Variants in MFN1 observed in about 807,000 individuals in gnomAD.
MFN1 encodes the protein mitofusin 1.
Under a neutral mutation model 92.4 loss-of-function variants are expected in MFN1, and 65 were observed. The observed-to-expected ratio is 0.70, with a 90% CI of 0.58 to 0.86. The LOEUF is 0.86. Among genes scored for constraint, MFN1 ranks in the 40% least tolerant of loss-of-function variants. The pLI is 0.00. For synonymous variants in MFN1, 297 were observed against 300.9 expected, an observed-to-expected ratio of 0.99 and a Z score of 0.13; for missense variants, 781 against 868.0, an observed-to-expected ratio of 0.90 and a Z score of 1.26.
intron 4 of MFN1, among the ~76,000 whole-genome samples, chr3:179,359,277 C>T (rs938008671): frequency 2.0e-5 from 3 of 151,410 alleles, no homozygotes; most frequent in African/African-American, 4.9e-5. Flanking sequence ...TGCGCCACCA[C>T]ACCCGGCTAA....
intron 3 of MFN1, among the ~76,000 whole-genome samples, chr3:179,355,457 A>G (rs1268579064): frequency 1.3e-5 from 2 of 152,198 alleles, no homozygotes; most frequent in African/African-American, 4.8e-5. Flanking sequence ...TGTGTTTAAT[A>G]CAACTATATA....
intron 11 of MFN1, 56 bp from the exon 12 acceptor site, chr3:179,377,288 T>G (rs1713277046): frequency 6.6e-7 from 1 of 1,523,560 alleles, no homozygotes; most frequent in Admixed American, 2.0e-5. Context: ...TTAATTTTTT[T>G]GAATAATTGA....
chr3:179,361,682 A>G (rs1482301723), intron 4 of MFN1, among the ~76,000 whole-genome samples: 2 of 152,024 alleles, frequency 1.3e-5, no homozygotes, highest in Non-Finnish European at 2.9e-5. Flanking sequence ...AATTAGAGGC[A>G]CGTGCCACCA....
chr3:179,355,787 A>G (rs1301271144), intron 3 of MFN1, among the ~76,000 whole-genome samples: 3 of 152,132 alleles, frequency 2.0e-5, no homozygotes, highest in Non-Finnish European at 4.4e-5. Flanking sequence ...CCCTGTCTCT[A>G]CCAAAAATAG....
chr3:179,351,868 A>G (rs776794705), intron 2 of MFN1, 32 bp from the exon 3 acceptor site: 1 of 1,576,064 alleles, frequency 6.3e-7, no homozygotes, highest in Admixed American at 1.8e-5. Flanking sequence ...ATTCATTTAT[A>G]TCACTTTTCT....
intron 3 of MFN1, among the ~76,000 whole-genome samples, chr3:179,358,470 A>C (rs1340484902): frequency 2.6e-5 from 4 of 152,024 alleles, no homozygotes; most frequent in Non-Finnish European, 5.9e-5. Context: ...GTCACTTCTG[A>C]TGTGCATTAT....
At chr3:179,358,682 G>A (rs1402629820) in intron 3 of MFN1, among the ~76,000 whole-genome samples, 158 bp from the exon 4 acceptor site, 3 of 152,194 alleles carry the variant, frequency 2.0e-5, no homozygotes, top group African/African-American at 7.2e-5. Flanking sequence ...TACATTGCTA[G>A]TATTTGTGTA....
chr3:179,388,599 A>C (rs1036602553), intron 16 of MFN1, among the ~76,000 whole-genome samples: 6 of 152,246 alleles, frequency 3.9e-5, no homozygotes, highest in African/African-American at 1.4e-4. Context: ...TAACATTTAC[A>C]TAATTATAAT....
chr3:179,376,943 C>A, intron 10 of MFN1, 99 bp from the exon 11 acceptor site: 1 of 1,139,086 alleles, frequency 8.8e-7, no homozygotes, highest in Non-Finnish European at 1.2e-6. Context: ...TTCCTTGAGT[C>A]ATGCTAATAG....
intron 3 of MFN1, among the ~76,000 whole-genome samples, chr3:179,355,505 T>C (rs1168275438): frequency 6.6e-6 from 1 of 152,198 alleles, no homozygotes; most frequent in African/African-American, 2.4e-5. Context: ...GTTGGAAATA[T>C]GAGACTTGGA....
At chr3:179,359,027 A>G (rs1302484614) in intron 4 of MFN1, 25 bp downstream of exon 4, 2 of 1,597,996 alleles carry the variant, frequency 1.3e-6, no homozygotes. Context: ...CTTTAGCAGA[A>G]TAATATACCT....
chr3:179,366,206 G>A (rs990907568), intron 7 of MFN1, among the ~76,000 whole-genome samples: 6 of 152,118 alleles, frequency 3.9e-5, no homozygotes, highest in Admixed American at 2.6e-4. Context: ...AATCCAAAAC[G>A]TCAGTAATGC....
chr3:179,363,276 G>A (rs997934637), intron 5 of MFN1, among the ~76,000 whole-genome samples: 57 of 152,046 alleles, frequency 3.7e-4, no homozygotes, highest in African/African-American at 1.3e-3. Context: ...GGTAGAGACG[G>A]GGATTCACCA....
chr3:179,375,887 T>A (rs1253353662), intron 10 of MFN1, among the ~76,000 whole-genome samples: 1 of 152,216 alleles, frequency 6.6e-6, no homozygotes, highest in Non-Finnish European at 1.5e-5. Context: ...CTTGTAAAGG[T>A]GGCAATGAAT....
rs1713969958 is a variant in MFN1 at position 179,393,036 on chromosome 3, T to C, written c.*977T>C. On this transcript the variant is annotated 3_prime_UTR_variant, in exon 18 of 18. Transcript: ENST00000471841. ...AGTCTGTACATATGTAAATTATGCC[T>C]AGTGGAGGTTCTGTTGACTTTCTTC... 1 of 152,214 alleles carries C rather than the reference T, an allele frequency of 6.6e-6. No homozygotes were observed. The highest frequency in any genetic ancestry group is 1.5e-5 in the Non-Finnish European group (1 of 68,036). 9.4% of individuals were successfully genotyped at this position (152,214 alleles called of 1,614,324 possible).
intron 14 of MFN1, among the ~76,000 whole-genome samples, chr3:179,379,450 T>A (rs1713383402): frequency 6.6e-6 from 1 of 151,972 alleles, no homozygotes; most frequent in Non-Finnish European, 1.5e-5. Context: ...ACCTCCCGGG[T>A]TCATGCGATT....
At position 179,390,130 on chromosome 3, in the gene MFN1, G is replaced by T; in HGVS notation, c.2139G>T (p.Lys713Asn). The T allele has an allele frequency of 6.3e-7, 1 of 1,575,184 alleles. No homozygotes were observed. The highest frequency in any genetic ancestry group is 2.0e-5 in the Admixed American group (1 of 50,648). Residue 713 changes from lysine to asparagine, a missense_variant, in exon 17 of 18, where the codon AAG becomes AAT. Coordinates refer to ENST00000471841, the MANE Select transcript of MFN1 (RefSeq NM_033540.3). Reference sequence around the variant, plus strand: ...TGGAGAAAATACAAAACAATTCAAAGCTCTTAAGGTATTTAAACCTTTCTT... The same window carrying T: ...TGGAGAAAATACAAAACAATTCAAATCTCTTAAGGTATTTAAACCTTTCTT... ...DQLEKIQNNSKLLRNKAVQLE... is the reference protein window; with the variant it reads ...DQLEKIQNNSNLLRNKAVQLE...
rs757979098 is a variant in MFN1 at position 179,358,866 on chromosome 3, T to C, written c.275T>C (p.Ile92Thr). ...ACAAGCAGTGGGAAGAGCTCTGTTA[T>C]CAATGCAATGTTGTGGGATAAAGTT... Reference protein sequence around the residue: ...GRTSSGKSSVINAMLWDKVLP... With the variant: ...GRTSSGKSSVTNAMLWDKVLP... Residue 92 changes from isoleucine to threonine, a missense_variant, in exon 4 of 18, where the codon ATC (isoleucine) becomes ACC (threonine). Transcript: ENST00000471841. 3 of 1,613,580 alleles carry C rather than the reference T, an allele frequency of 1.9e-6. No individual in the cohort carries two copies. The highest frequency in any genetic ancestry group is 1.7e-5 in the Admixed American group (1 of 59,952).
At chr3:179,390,215 T>G (rs865954495) in intron 17 of MFN1, 77 bp downstream of exon 17, 1 of 1,187,382 alleles carries the variant, frequency 8.4e-7, no homozygotes, top group Middle Eastern at 2.7e-4. Flanking sequence ...TTAATGAATT[T>G]GTATTCATTC....
Sources: gnomAD v4.1 joint callset for allele counts (sites outside exome capture counted in the v4.1 genomes callset) on GRCh38, gnomAD v4.1.1 for gene constraint, MANE v1.5 for transcripts, NCBI Gene and HGNC (gene_info 2026-07-23, HGNC 2026-07-21) for gene names.